Variants in GABBR2 observed in about 807,000 individuals in gnomAD.
The protein encoded by GABBR2 is gamma-aminobutyric acid type B receptor subunit 2.
In GABBR2, 23 loss-of-function variants were observed where a neutral mutation model predicts 105.6. The ratio of observed to expected loss-of-function variants is 0.22; its 90% CI spans 0.16 to 0.31. The LOEUF (loss-of-function observed/expected upper bound fraction) is 0.31. Ranked by LOEUF, GABBR2 falls within the 10% of genes least tolerant of loss-of-function variation. The pLI is 1.00. For missense variants in GABBR2, 734 were observed against 1,245.5 expected, an observed-to-expected ratio of 0.59 and a Z score of 6.18; for synonymous variants, 478 against 499.7, an observed-to-expected ratio of 0.96 and a Z score of 0.58.
At chr9:98,381,373 G>A (rs899488984) in intron 11 of GABBR2, among the ~76,000 whole-genome samples, 2 of 152,228 alleles carry the variant, frequency 1.3e-5, no homozygotes, top group African/African-American at 4.8e-5. Context: ...TCCCCACTCG[G>A]TGGGAGTTTG....
chr9:98,576,142 T>G (rs1392729035), intron 2 of GABBR2, among the ~76,000 whole-genome samples: 2 of 152,110 alleles, frequency 1.3e-5, no homozygotes, highest in African/African-American at 2.4e-5. Context: ...CAGCACCCCA[T>G]GCATGCAGCA....
intron 13 of GABBR2, among the ~76,000 whole-genome samples, chr9:98,327,318 G>C (rs532959248): frequency 2.0e-5 from 3 of 152,114 alleles, no homozygotes; most frequent in Admixed American, 1.3e-4. Context: ...TCGACTGCTG[G>C]TGTCACTTTC....
At chr9:98,620,747 C>T (rs2131821248) in intron 1 of GABBR2, among the ~76,000 whole-genome samples, 1 of 152,224 alleles carries the variant, frequency 6.6e-6, no homozygotes, top group East Asian at 1.9e-4. Context: ...GACGGCTTGC[C>T]CTGGCCCATC....
At chr9:98,575,435 A>G (rs1014578569) in intron 2 of GABBR2, among the ~76,000 whole-genome samples, 2 of 152,176 alleles carry the variant, frequency 1.3e-5, no homozygotes, top group Admixed American at 6.5e-5. Flanking sequence ...AGGACTAACC[A>G]CAAAGAACAC....
At chr9:98,497,376 CT>C (rs1827302659) in intron 3 of GABBR2, among the ~76,000 whole-genome samples, 1 of 151,906 alleles carries the variant, frequency 6.6e-6, no homozygotes, top group African/African-American at 2.4e-5. Flanking sequence ...GAAATTTAGA[CT>C]TTTAAAATAT....
chr9:98,410,930 T>C (rs1832580880), intron 7 of GABBR2, among the ~76,000 whole-genome samples: 1 of 152,232 alleles, frequency 6.6e-6, no homozygotes, highest in African/African-American at 2.4e-5. Flanking sequence ...CAACAGTCTC[T>C]ACCTGTTTTC....
rs1008718504 is a variant in GABBR2 at position 98,643,180 on chromosome 9, G to A, written c.322-65108C>T. 4.6e-5 allele frequency among the ~76,000 whole-genome samples: 7 copies of A among 152,220 alleles called. No individual in the cohort carries two copies. The South Asian group carries it at 6.2e-4, about 14-fold the overall frequency. ...CCCACTGGGCACTCGGAGGGGAGAG[G>A]GAGCTGAGATATTCACCCACCAACC... On this transcript the variant is annotated intron_variant, in intron 1 of 18. Coordinates refer to ENST00000259455, the MANE Select transcript of GABBR2 (RefSeq NM_005458.8).
At chr9:98,403,893 G>T (rs1832443256) in intron 8 of GABBR2, among the ~76,000 whole-genome samples, 1 of 151,894 alleles carries the variant, frequency 6.6e-6, no homozygotes, top group South Asian at 2.1e-4. Flanking sequence ...GACAATCAAG[G>T]CTCAGAGAGG....
chr9:98,329,480 A>G (rs1224827670), intron 13 of GABBR2, among the ~76,000 whole-genome samples: 4 of 152,136 alleles, frequency 2.6e-5, no homozygotes, highest in African/African-American at 9.7e-5. Flanking sequence ...TATTCCAGGC[A>G]CAAGGGTCCT....
intron 3 of GABBR2, among the ~76,000 whole-genome samples, chr9:98,530,988 G>A (rs560428175): frequency 4.6e-5 from 7 of 152,238 alleles, no homozygotes; most frequent in Admixed American, 2.0e-4. Flanking sequence ...TGGGCAGGTG[G>A]CACCAGGAAG....
At chr9:98,700,853 G>A (rs1309684934) in intron 1 of GABBR2, among the ~76,000 whole-genome samples, 1 of 152,222 alleles carries the variant, frequency 6.6e-6, no homozygotes, top group Non-Finnish European at 1.5e-5. Flanking sequence ...GAAGCCTTAA[G>A]ATGGGAGACT....
chr9:98,492,348 G>GT (rs1564091313), intron 4 of GABBR2, among the ~76,000 whole-genome samples: 1 of 1,034 alleles, frequency 9.7e-4, no homozygotes, highest in Non-Finnish European at 2.5e-3. Flanking sequence ...TTGTTTCCTA[G>GT]TAAAAAAAAA....
intron 18 of GABBR2, among the ~76,000 whole-genome samples, chr9:98,291,314 T>C (rs1287913238): frequency 6.6e-6 from 1 of 152,130 alleles, no homozygotes; most frequent in East Asian, 1.9e-4. Flanking sequence ...ATTTGAAAAA[T>C]GGTAAGTTGG....
intron 1 of GABBR2, among the ~76,000 whole-genome samples, chr9:98,698,220 A>AG (rs1003415399): frequency 2.0e-5 from 3 of 152,148 alleles, no homozygotes; most frequent in East Asian, 1.9e-4. Flanking sequence ...TGGCAGGAGA[A>AG]GGGGGTCTGC....
At position 98,621,614 on chromosome 9, in the gene GABBR2, A is replaced by G. The variant is rs190317786; in HGVS notation, c.322-43542T>C. Among the ~76,000 whole-genome samples, 79 of 152,330 alleles carry G rather than the reference A, an allele frequency of 5.2e-4. 2 individuals are homozygous for G. Among genetic ancestry groups the G allele is most frequent in the Middle Eastern group, 6.8e-3 (2 of 294 alleles). On this transcript the variant is annotated intron_variant, in intron 1 of 18. Coordinates refer to ENST00000259455, the MANE Select transcript of GABBR2 (RefSeq NM_005458.8). ...CCTACTAAGGGCTCCTTCAGGAAAA[A>G]CATGCTCCTTTACAACGGGAGCCAA... is the stretch of plus-strand genomic sequence containing the variant.
intron 3 of GABBR2, among the ~76,000 whole-genome samples, chr9:98,531,907 T>C (rs1828075193): frequency 6.6e-6 from 1 of 152,232 alleles, no homozygotes; most frequent in Admixed American, 6.5e-5. Flanking sequence ...AAGTGCTTTT[T>C]ATTCATCCCA....
intron 11 of GABBR2, among the ~76,000 whole-genome samples, chr9:98,375,834 CTA>C (rs1367212940): frequency 1.3e-5 from 2 of 152,202 alleles, no homozygotes; most frequent in Non-Finnish European, 2.9e-5. Flanking sequence ...TGCCTCCCTT[CTA>C]TGTGGCTCTA....
intron 2 of GABBR2, among the ~76,000 whole-genome samples, chr9:98,562,434 T>A (rs1828686605): frequency 6.6e-6 from 1 of 152,230 alleles, no homozygotes; most frequent in African/African-American, 2.4e-5. Flanking sequence ...TATTATTGTA[T>A]CACTGTTAAA....
At chr9:98,502,079 C>T (rs1827411803) in intron 3 of GABBR2, among the ~76,000 whole-genome samples, 1 of 152,154 alleles carries the variant, frequency 6.6e-6, no homozygotes, top group Non-Finnish European at 1.5e-5. Context: ...CAACCTCCGT[C>T]CACACACTAG....
Sources: gnomAD v4.1 joint callset for allele counts (sites outside exome capture counted in the v4.1 genomes callset) on GRCh38, gnomAD v4.1.1 for gene constraint, MANE v1.5 for transcripts, NCBI Gene and HGNC (gene_info 2026-07-23, HGNC 2026-07-21) for gene names.